MMP26: variants seen among roughly 807,000 people sequenced by gnomAD.
MMP26 encodes matrix metallopeptidase 26.
In MMP26, 33 loss-of-function variants were observed where a neutral mutation model predicts 31.0. The observed-to-expected ratio is 1.06, with a 90% CI of 0.81 to 1.42. The LOEUF (loss-of-function observed/expected upper bound fraction) is 1.42, where lower values mean the gene tolerates loss of function less well. Among genes scored for constraint, MMP26 ranks in the 40% most tolerant of loss-of-function variants. The pLI is 0.00. For missense variants in MMP26, 347 were observed against 316.1 expected, an observed-to-expected ratio of 1.10 and a Z score of -0.74; for synonymous variants, 122 against 114.9, an observed-to-expected ratio of 1.06 and a Z score of -0.40.
intron 2 of MMP26, among the ~76,000 whole-genome samples, chr11:4,900,709 C>G (rs1482320931): frequency 6.6e-6 from 1 of 152,182 alleles, no homozygotes; most frequent in Non-Finnish European, 1.5e-5. Flanking sequence ...AAACTTTGTT[C>G]TAACTTCTAG....
In MMP26 at chr11:4,849,036, G is replaced by A. The variant is rs148022689; in HGVS notation, c.-145+81695G>A. 204 of 1,614,090 alleles carry A rather than the reference G, an allele frequency of 1.3e-4. 1 individual carries two copies. In the East Asian group the frequency reaches 2.9e-3, roughly 23 times the overall value. ...TGGGCGGTGCAGGGCGGGCTGCAGG[G>A]CAATGATCCAGAGGATGGTGCCATT... is the stretch of plus-strand genomic sequence containing the variant. On this transcript the variant is annotated intron_variant, in intron 2 of 7. Transcript: ENST00000380390.
Position 4,853,700 on chromosome 11 carries a change from T to C in MMP26, c.-145+86359T>C, listed in dbSNP as rs546480263. Among the ~76,000 whole-genome samples the C allele has an allele frequency of 4.6e-5, 7 of 152,284 alleles. 1 individual carries two copies. The highest frequency in any genetic ancestry group is 6.5e-5 in the Admixed American group (1 of 15,296). On this transcript the variant is annotated intron_variant, in intron 2 of 7. Coordinates refer to ENST00000380390, the MANE Select transcript of MMP26 (RefSeq NM_021801.5). ...AGGTCCAGATGATTTCATGGGTGAA[T>C]TAGATCACATATTAAAAGAAGAAAT...
At chr11:4,983,626 A>C (rs376238013) in intron 2 of MMP26, among the ~76,000 whole-genome samples, 2 of 152,348 alleles carry the variant, frequency 1.3e-5, no homozygotes, top group East Asian at 3.9e-4. Context: ...AGAAAGATGA[A>C]AGCATAGATG....
intron 1 of MMP26, among the ~76,000 whole-genome samples, chr11:4,743,956 C>G (rs941943389): frequency 6.6e-6 from 1 of 151,920 alleles, no homozygotes; most frequent in Non-Finnish European, 1.5e-5. Flanking sequence ...CAGACTCACT[C>G]TACCTTACCA....
chr11:4,987,619 C>T (rs1015173649), intron 2 of MMP26, among the ~76,000 whole-genome samples: 23 of 151,886 alleles, frequency 1.5e-4, no homozygotes, highest in East Asian at 3.9e-4. Flanking sequence ...GGGGTTTCAC[C>T]GTGTTAGCCA....
chr11:4,796,093 G>A (rs77904454), intron 2 of MMP26, among the ~76,000 whole-genome samples: 1 of 152,082 alleles, frequency 6.6e-6, no homozygotes, highest in Non-Finnish European at 1.5e-5. Flanking sequence ...GGTGGGAGAT[G>A]GCTATGTCAC....
intron 2 of MMP26, chr11:4,903,907 G>A (rs749704101): frequency 4.6e-5 from 7 of 152,072 alleles, no homozygotes; most frequent in Non-Finnish European, 1.0e-4. Context: ...TGGTTTCAGT[G>A]TGTGTGCATA....
chr11:4,767,447 G>A (rs1405522582), intron 2 of MMP26, 106 bp downstream of exon 2: 3 of 152,090 alleles, frequency 2.0e-5, no homozygotes, highest in Non-Finnish European at 2.9e-5. Context: ...TAACCTTCGT[G>A]AGTGCACAGT....
chr11:4,932,094 T>C (rs185859392), intron 2 of MMP26, among the ~76,000 whole-genome samples: 1 of 152,128 alleles, frequency 6.6e-6, no homozygotes, highest in Admixed American at 6.6e-5. Flanking sequence ...CCCGATAGAG[T>C]TGTTCCATTT....
chr11:4,902,532 G>C (rs905869712), intron 2 of MMP26, among the ~76,000 whole-genome samples: 3 of 152,102 alleles, frequency 2.0e-5, no homozygotes, highest in African/African-American at 7.2e-5. Context: ...TGGCACCTGG[G>C]TTGGTTTCAT....
At chr11:4,943,197 G>A (rs1385190133) in intron 2 of MMP26, 3 of 178,808 alleles carry the variant, frequency 1.7e-5, no homozygotes, top group Admixed American at 6.0e-5. Context: ...GAAACACAGC[G>A]AAACAATAAG....
chr11:4,728,739 C>G (rs1446639597), intron 1 of MMP26, among the ~76,000 whole-genome samples: 1 of 151,996 alleles, frequency 6.6e-6, no homozygotes, highest in African/African-American at 2.4e-5. Context: ...GAGGTAAACA[C>G]TATTCTGAAA....
chr11:4,716,650 C>CTTTTT (rs71050424), intron 1 of MMP26, among the ~76,000 whole-genome samples: 1,060 of 65,034 alleles, frequency 0.016, 239 homozygotes, highest in Middle Eastern at 0.05. Flanking sequence ...TCTCTTACCT[C>CTTTTT]TTTTTTTTTT....
At chr11:4,825,310 T>C (rs555857550) in intron 2 of MMP26, among the ~76,000 whole-genome samples, 18 of 152,186 alleles carry the variant, frequency 1.2e-4, no homozygotes, top group Admixed American at 3.3e-4. Context: ...ATTTCTAGTC[T>C]TTTTCAAGGT....
At chr11:4,894,644 C>G (rs1348469354) in intron 2 of MMP26, among the ~76,000 whole-genome samples, 1 of 151,888 alleles carries the variant, frequency 6.6e-6, no homozygotes, top group East Asian at 1.9e-4. Flanking sequence ...ATTGTAGTAG[C>G]AAAACTCAGC....
chr11:4,912,577 A>G (rs1275289624), intron 2 of MMP26: 1 of 152,176 alleles, frequency 6.6e-6, no homozygotes, highest in Non-Finnish European at 1.5e-5. Flanking sequence ...GCTGTGTACA[A>G]CTAATCATAG....
intron 2 of MMP26, among the ~76,000 whole-genome samples, chr11:4,865,090 C>T (rs1355618282): frequency 6.6e-6 from 1 of 152,168 alleles, no homozygotes; most frequent in South Asian, 2.1e-4. Context: ...TCCTTCCCAT[C>T]AGCATTTATA....
chr11:4,747,552 T>A (rs1848397044), intron 1 of MMP26, among the ~76,000 whole-genome samples: 1 of 152,158 alleles, frequency 6.6e-6, no homozygotes, highest in Non-Finnish European at 1.5e-5. Context: ...GTTGGCCTTT[T>A]CTAAAATATA....
At chr11:4,860,172 T>C in intron 2 of MMP26, 1 of 471,056 alleles carries the variant, frequency 2.1e-6, no homozygotes, top group Non-Finnish European at 4.4e-6. Context: ...CATAGTGTAA[T>C]GGGTTTCGGA....
Sources: gnomAD v4.1 joint callset for allele counts (sites outside exome capture counted in the v4.1 genomes callset) on GRCh38, gnomAD v4.1.1 for gene constraint, MANE v1.5 for transcripts, NCBI Gene and HGNC (gene_info 2026-07-23, HGNC 2026-07-21) for gene names.